MAP3K4: variants seen among roughly 807,000 people sequenced by gnomAD.
The protein encoded by MAP3K4 is MAP three kinase 1.
Under a neutral mutation model 185.6 loss-of-function variants are expected in MAP3K4, and 67 were observed. That is an observed-to-expected ratio of 0.36 (90% CI 0.30 to 0.44). The LOEUF is 0.44. Ranked by LOEUF, MAP3K4 falls within the 20% of genes least tolerant of loss-of-function variation. The probability of loss-of-function intolerance (pLI) is 1.00; values close to 1 mark genes in which losing one functional copy is unlikely to be tolerated. For synonymous variants in MAP3K4, 702 were observed against 710.4 expected (o/e 0.99, Z 0.19); for missense variants, 1,551 against 1,995.1 (o/e 0.78, Z 4.24).
In MAP3K4 at chr6:161,110,655, C is replaced by G. The variant is rs1778305209; in HGVS notation, c.4396+741C>G. ...ACTTAGGAACCGACCTGACTTCTGA[C>G]CAGGGACAAGACCCAGTGTGGGAGG... On this transcript the variant is annotated intron_variant, in intron 23 of 26. Coordinates refer to ENST00000392142, the MANE Select transcript of MAP3K4 (RefSeq NM_005922.4). The surrounding 1 kb of genome is among the most constrained non-coding windows in gnomAD (Gnocchi z 4.8). Among the ~76,000 whole-genome samples the G allele has an allele frequency of 6.6e-6, 1 of 152,178 alleles. No homozygotes were observed. The highest frequency in any genetic ancestry group is 2.4e-5 in the African/African-American group (1 of 41,420).
chr6:161,002,276 A>C (rs1313707341), intron 1 of MAP3K4, among the ~76,000 whole-genome samples: 1 of 152,056 alleles, frequency 6.6e-6, no homozygotes, highest in Non-Finnish European at 1.5e-5. Context: ...TAGTTCATTT[A>C]ACTTGTGTCT....
At chr6:161,042,005 G>A (rs77110670) in intron 2 of MAP3K4, among the ~76,000 whole-genome samples, 7,305 of 130,310 alleles carry the variant, frequency 0.056, 225 homozygotes, top group Non-Finnish European at 0.056. Context: ...TGATCCTCCC[G>A]CCTCAGCTTC....
rs763094438 is a variant in MAP3K4 at position 161,073,063 on chromosome 6, A to C, written c.1951-403A>C. 6.6e-6 allele frequency among the ~76,000 whole-genome samples: 1 copy of C among 151,994 alleles called. No homozygotes were observed. Among genetic ancestry groups the C allele is most frequent in the Admixed American group, 6.6e-5 (1 of 15,264 alleles). ...TGCTTTGTGGTAAAAAGTACCTTTGAATCTTTATTATGTTTTTGATCATTA... is the reference window on the plus strand; with the variant it reads ...TGCTTTGTGGTAAAAAGTACCTTTGCATCTTTATTATGTTTTTGATCATTA... On this transcript the variant is annotated intron_variant, in intron 4 of 26. Transcript: ENST00000392142. The surrounding 1 kb of genome is among the most constrained non-coding windows in gnomAD (Gnocchi z 4.2).
rs1429451550 is a variant in MAP3K4 at position 161,075,501 on chromosome 6, G to A, written c.2097+1889G>A. Among the ~76,000 whole-genome samples the A allele has an allele frequency of 6.6e-6, 1 of 152,162 alleles. No homozygotes were observed. The highest frequency in any genetic ancestry group is 1.5e-5 in the Non-Finnish European group (1 of 68,036). ...AAAAAAATCTTTATCTTGAAAAGTT[G>A]TGGAAAAAAGCAACAAGCAAATTAT... On this transcript the variant is annotated intron_variant, in intron 5 of 26. Coordinates refer to ENST00000392142, the MANE Select transcript of MAP3K4 (RefSeq NM_005922.4). The surrounding 1 kb of genome is among the most constrained non-coding windows in gnomAD (Gnocchi z 4.3).
At position 161,063,527 on chromosome 6, in the gene MAP3K4, TTC is replaced by T. The variant is rs1784571461; in HGVS notation, c.1708-7077_1708-7076del. Among the ~76,000 whole-genome samples, 3 of 152,190 alleles carry T rather than the reference TTC, an allele frequency of 2.0e-5. No individual in the cohort carries two copies. The highest frequency in any genetic ancestry group is 7.2e-5 in the African/African-American group (3 of 41,450). The stretch of plus-strand genomic sequence containing the variant: ...CCTTCTTCTCAAGTTTCAAACCATC[TTC>T]TCTGTTATTGTTTGAGGTCTGTGGA... On this transcript the variant is annotated intron_variant, in intron 3 of 26. Coordinates refer to ENST00000392142, the MANE Select transcript of MAP3K4 (RefSeq NM_005922.4). This position sits in a 1 kb window ranked among gnomAD's most constrained non-coding sequence, Gnocchi z 5.4.
At chr6:161,036,997 T>C (rs1783197702) in intron 2 of MAP3K4, among the ~76,000 whole-genome samples, 1 of 152,232 alleles carries the variant, frequency 6.6e-6, no homozygotes, top group Non-Finnish European at 1.5e-5. Context: ...GGAAACTGGC[T>C]CAGAGAAGTT....
chr6:161,092,253 C>T (rs776536911), intron 13 of MAP3K4, 110 bp downstream of exon 13: 11 of 1,158,916 alleles, frequency 9.5e-6, no homozygotes, highest in African/African-American at 1.5e-5. Context: ...AGGGAACACT[C>T]TAAACTCTTC....
In MAP3K4 at chr6:161,098,255, T is replaced by C; in HGVS notation, c.3525-23T>C. ...CGTTCCCTCTTCTCACATGTGTTCC[T>C]GAAGCTTTTCTTCTTGTCTTAGCAC... On this transcript the variant is annotated intron_variant, in intron 16 of 26. Transcript: ENST00000392142. This position sits in a 1 kb window ranked among gnomAD's most constrained non-coding sequence, Gnocchi z 4.4. 6.2e-7 allele frequency: 1 copy of C among 1,604,382 alleles called. No individual in the cohort carries two copies. The highest frequency in any genetic ancestry group is 8.5e-7 in the Non-Finnish European group (1 of 1,174,036).
intron 5 of MAP3K4, among the ~76,000 whole-genome samples, chr6:161,079,289 G>A (rs1429957718): frequency 1.3e-5 from 2 of 150,142 alleles, no homozygotes; most frequent in Admixed American, 6.7e-5. Flanking sequence ...TAGAAAGACA[G>A]AGAGTTGGCC....
chr6:161,034,445 G>T lies in MAP3K4; in HGVS notation c.339G>T (p.Leu113Phe). ...GGAGGCCAGCCAGTCGGTCTAATTT[G>T]AAAGGTGAGTCTTGTACTTGAAAAG... ...NVGRPASRSNLKEKMNAPNQP... is the reference protein window; with the variant it reads ...NVGRPASRSNFKEKMNAPNQP... The change falls in exon 2 of 27, where the codon TTG becomes TTT. Residue 113 changes from leucine (L) to phenylalanine (F), a missense_variant. Physicochemically the swap from Leu to Phe is conservative, Grantham distance 22. Around this residue, in one of 16 missense-constraint regions of MAP3K4, gnomAD observed 287 missense variants for 268.8 expected, o/e 1.07. Transcript: ENST00000392142. The surrounding 1 kb of genome is among the most constrained non-coding windows in gnomAD (Gnocchi z 4.4). 1 of 1,613,632 alleles carries T rather than the reference G, an allele frequency of 6.2e-7. No homozygotes were observed. Among genetic ancestry groups the T allele is most frequent in the South Asian group, 1.1e-5 (1 of 91,008 alleles).
intron 6 of MAP3K4, 38 bp downstream of exon 6, chr6:161,081,076 C>G (rs745697335): frequency 5.6e-6 from 9 of 1,600,504 alleles, no homozygotes; most frequent in Non-Finnish European, 7.7e-6. Context: ...ACGCTCCCAC[C>G]TTCTCACTCT....
In MAP3K4 at chr6:161,097,231, C is replaced by CTCATACT; in HGVS notation, c.3524+57_3524+63dup. On this transcript the variant is annotated intron_variant, in intron 16 of 26. Transcript: ENST00000392142. This position sits in a 1 kb window ranked among gnomAD's most constrained non-coding sequence, Gnocchi z 4.9. ...TACAGAGTGCCCTCCGATATGCATG[C>CTCATACT]TCATACTTTTGAAACTACTAGATGC... 1 of 1,455,654 alleles carries CTCATACT rather than the reference C, an allele frequency of 6.9e-7. No homozygotes were observed. The highest frequency in any genetic ancestry group is 9.6e-7 in the Non-Finnish European group (1 of 1,037,198). The allele number at this position is 1,455,654 out of a possible 1,614,324, so 90.2% of individuals were successfully genotyped here. A position where few individuals can be genotyped will look rare whatever the true frequency, so the allele number is the denominator to read the frequency against.
chr6:161,003,303 C>T (rs1222907593), intron 1 of MAP3K4, among the ~76,000 whole-genome samples: 1 of 152,124 alleles, frequency 6.6e-6, no homozygotes, highest in African/African-American at 2.4e-5. Context: ...GTATAGATCG[C>T]TTAAGAGGAA....
chr6:161,035,154 A>T (rs936566892), intron 2 of MAP3K4, among the ~76,000 whole-genome samples: 1 of 152,090 alleles, frequency 6.6e-6, no homozygotes, highest in African/African-American at 2.4e-5. Context: ...GATGGCCTGG[A>T]ATCTTGTGGT....
intron 3 of MAP3K4, 103 bp downstream of exon 3, chr6:161,050,082 A>T: frequency 8.5e-7 from 1 of 1,178,930 alleles, no homozygotes; most frequent in Non-Finnish European, 1.2e-6. Flanking sequence ...AATATTTTTG[A>T]ACACAAATGG....
At position 161,087,809 on chromosome 6, in the gene MAP3K4, A is replaced by G; in HGVS notation, c.2678A>G (p.Asp893Gly). The change falls in exon 10 of 27, where the codon GAT (aspartate) becomes GGT (glycine). Residue 893 changes from aspartate to glycine, a missense_variant. Physicochemically the swap from Asp to Gly is moderately conservative, Grantham distance 94. This residue lies in a region of MAP3K4 where 261 missense variants were observed against 306.5 expected (regional missense o/e 0.85). Coordinates refer to ENST00000392142, the MANE Select transcript of MAP3K4 (RefSeq NM_005922.4). This position sits in a 1 kb window ranked among gnomAD's most constrained non-coding sequence, Gnocchi z 4.9. ...AAGKDCSKDS[D>G]DVLIDAYLLL... ...GGAAAGGACTGTTCAAAAGATTCAG[A>G]TGACGTACTCATCGATGCCTATCTG... 1 of 1,614,200 alleles carries G rather than the reference A, an allele frequency of 6.2e-7. No homozygotes were observed. The highest frequency in any genetic ancestry group is 8.5e-7 in the Non-Finnish European group (1 of 1,180,032).
intron 3 of MAP3K4, among the ~76,000 whole-genome samples, chr6:161,050,580 G>A (rs1407295828): frequency 2.0e-5 from 3 of 152,172 alleles, no homozygotes; most frequent in Non-Finnish European, 4.4e-5. Flanking sequence ...TATGTGTTTC[G>A]ATATGTGTAG....
In MAP3K4 at chr6:161,112,572, A is replaced by T; in HGVS notation, c.4520-96A>T. On this transcript the variant is annotated intron_variant, in intron 24 of 26. Transcript: ENST00000392142. This position sits in a 1 kb window ranked among gnomAD's most constrained non-coding sequence, Gnocchi z 5.1. ...ATTTCCCATTACCTAATGCAGGAAG[A>T]TAATATTGTACAATATTAATTTATT... is the stretch of plus-strand genomic sequence containing the variant. 2 of 738,904 alleles carry T rather than the reference A, an allele frequency of 2.7e-6. No individual in the cohort carries two copies. The highest frequency in any genetic ancestry group is 4.0e-6 in the Non-Finnish European group (2 of 497,150). 45.8% of individuals were successfully genotyped at this position (738,904 alleles called of 1,614,324 possible).
At position 161,049,167 on chromosome 6, in the gene MAP3K4, C is replaced by T; in HGVS notation, c.895C>T (p.Leu299Phe). 3 of 1,614,058 alleles carry T rather than the reference C, an allele frequency of 1.9e-6. No homozygotes were observed. The highest frequency in any genetic ancestry group is 1.1e-5 in the South Asian group (1 of 91,078). ...CATCCCAGATATTATTAATGAAATC[C>T]TTACTTTCAAAGTCGACTATGGGAG... ...QAIPDIINEI[L>F]TFKVDYGSFA... The change falls in exon 3 of 27, where the codon CTT becomes TTT. Residue 299 changes from leucine to phenylalanine, a missense_variant. Transcript: ENST00000392142. This position sits in a 1 kb window ranked among gnomAD's most constrained non-coding sequence, Gnocchi z 8.4.
Sources: allele counts gnomAD v4.1 joint callset (sites outside exome capture counted in the v4.1 genomes callset), GRCh38; gene constraint gnomAD v4.1.1; regional missense constraint gnomAD v4.1.1; non-coding constraint Gnocchi (gnomAD v3.1); transcripts MANE v1.5; gene names NCBI Gene and HGNC (gene_info 2026-07-23, HGNC 2026-07-21).